The following PPP4R1 variants were observed in gnomAD, a reference collection of about 807,000 sequenced individuals.
The protein encoded by PPP4R1 is protein phosphatase 4 regulatory subunit 1, also known as serine/threonine-protein phosphatase 4 regulatory subunit 1.
A neutral mutation model predicts 111.2 loss-of-function variants in PPP4R1; 42 were observed. That is an observed-to-expected ratio of 0.38 (90% CI 0.29 to 0.49). PPP4R1 has a LOEUF of 0.49. PPP4R1 is among the 20% of genes least tolerant of loss of function. The probability of loss-of-function intolerance (pLI) is 0.97; values close to 1 mark genes in which losing one functional copy is unlikely to be tolerated. For synonymous variants in PPP4R1, 409 were observed against 405.5 expected (o/e 1.01, Z -0.10); for missense variants, 1,012 against 1,161.6 (o/e 0.87, Z 1.87).
intron 2 of PPP4R1, among the ~76,000 whole-genome samples, chr18:9,601,438 A>C (rs1233611069): frequency 6.6e-6 from 1 of 152,150 alleles, no homozygotes; most frequent in African/African-American, 2.4e-5. Flanking sequence ...AATCACAAGA[A>C]TCACTTGAAC....
chr18:9,592,883 C>A (rs1178228070), intron 4 of PPP4R1, among the ~76,000 whole-genome samples: 12 of 152,096 alleles, frequency 7.9e-5, no homozygotes, highest in Non-Finnish European at 1.6e-4. Flanking sequence ...CATTCTAGAA[C>A]AAGCACATAC....
rs373536085 is a variant in PPP4R1 at position 9,555,115 on chromosome 18, C to T, written c.2191-1693G>A. Among the ~76,000 whole-genome samples the T allele has an allele frequency of 2.6e-5, 4 of 152,156 alleles. No individual in the cohort carries two copies. In the South Asian group the frequency reaches 6.2e-4, roughly 24 times the overall value. Reference sequence around the variant, plus strand: ...CCCAGGAGTTCAAGACCAGTGTGGGCAACATAGTGAAACCCTATCCCTACA... The same window carrying T: ...CCCAGGAGTTCAAGACCAGTGTGGGTAACATAGTGAAACCCTATCCCTACA... On this transcript the variant is annotated intron_variant, in intron 15 of 19. Coordinates refer to ENST00000400556, the MANE Select transcript of PPP4R1 (RefSeq NM_001042388.3).
intron 6 of PPP4R1, among the ~76,000 whole-genome samples, chr18:9,585,623 GTTGT>G (rs2067103058): frequency 6.6e-6 from 1 of 152,176 alleles, no homozygotes; most frequent in Non-Finnish European, 1.5e-5. Flanking sequence ...ATACGACATG[GTTGT>G]CTACACAGAA....
intron 6 of PPP4R1, among the ~76,000 whole-genome samples, chr18:9,587,858 G>A (rs1240951255): frequency 6.6e-6 from 1 of 152,024 alleles, no homozygotes; most frequent in African/African-American, 2.4e-5. Context: ...AGGGACTACA[G>A]GCGCACACCA....
At chr18:9,616,288 A>T (rs896960669), upstream of PPP4R1, among the ~76,000 whole-genome samples, 10 of 148,462 alleles carry the variant, frequency 6.7e-5, no homozygotes, top group Middle Eastern at 3.2e-3. Context: ...AATTTTTTTT[A>T]GAGCCAGTCT....
At chr18:9,608,668 T>G (rs1280053066) in intron 2 of PPP4R1, among the ~76,000 whole-genome samples, 7 of 152,176 alleles carry the variant, frequency 4.6e-5, no homozygotes, top group Admixed American at 3.3e-4. Context: ...CCCAAAACAC[T>G]AAGTTAGGTT....
chr18:9,559,438 G>A lies in PPP4R1; in HGVS notation c.2009C>T (p.Thr670Ile), dbSNP rs1432802017. 2 of 1,612,226 alleles carry A rather than the reference G, an allele frequency of 1.2e-6. No homozygotes were observed. Among genetic ancestry groups the A allele is most frequent in the Admixed American group, 1.7e-5 (1 of 59,848 alleles). Residue 670 changes from threonine to isoleucine, a missense_variant, in exon 14 of 20, where the codon ACT (threonine) becomes ATT (isoleucine). Physicochemically the swap from Thr to Ile is moderately conservative, Grantham distance 89 (BLOSUM62 -1). Transcript: ENST00000400556. Reference protein sequence around the residue: ...NWHCLRETYETLASDMQWKVR... With the variant: ...NWHCLRETYEILASDMQWKVR... ...ACTCACCTGCATGTCTGAGGCCAGA[G>A]TCTCATACGTCTCTCTCAGGCAGTG...
Position 9,570,513 on chromosome 18 carries a change from A to G in PPP4R1, c.1217T>C (p.Leu406Ser). 1.2e-6 allele frequency: 2 copies of G among 1,614,208 alleles called. No individual in the cohort carries two copies. The highest frequency in any genetic ancestry group is 1.3e-5 in the African/African-American group (1 of 75,052). ...GEISVPLDSS[L>S]LCTLSSESHQ... is the part of the protein sequence containing the mutation. ...AGATTCTGAGGACAAAGTACAAAGT[A>G]AAGAGCTGTCCAGTGGAACACTAAT... The change falls in exon 11 of 20, where the codon TTA becomes TCA. Residue 406 changes from leucine (L) to serine (S), a missense_variant. Around this residue, in one of 2 missense-constraint regions of PPP4R1, gnomAD observed 707 missense variants for 742.1 expected, o/e 0.95. Transcript: ENST00000400556.
chr18:9,562,816 A>G (rs2066700476), intron 12 of PPP4R1: 1 of 956,176 alleles, frequency 1.0e-6, no homozygotes, highest in East Asian at 1.2e-4. Flanking sequence ...AGCAGCACTG[A>G]TACCAAATAA....
At chr18:9,605,876 G>A (rs1372319700) in intron 2 of PPP4R1, among the ~76,000 whole-genome samples, 1 of 152,064 alleles carries the variant, frequency 6.6e-6, no homozygotes, top group Non-Finnish European at 1.5e-5. Context: ...ACAGGCTAAA[G>A]GTCCCAATGA....
chr18:9,602,114 G>A (rs1173710004), intron 2 of PPP4R1, among the ~76,000 whole-genome samples: 1 of 152,124 alleles, frequency 6.6e-6, no homozygotes, highest in East Asian at 1.9e-4. Context: ...CATAGCTCCA[G>A]AAGTATCCTC....
At chr18:9,575,419 T>C (rs1266296800) in intron 10 of PPP4R1, among the ~76,000 whole-genome samples, 2 of 152,208 alleles carry the variant, frequency 1.3e-5, no homozygotes, top group Non-Finnish European at 2.9e-5. Flanking sequence ...ATAGGACTAC[T>C]TCTTTATAGT....
chr18:9,562,922 C>A (rs894661688), intron 12 of PPP4R1: 96 of 991,332 alleles, frequency 9.7e-5, no homozygotes, highest in Non-Finnish European at 1.1e-4. Flanking sequence ...CAGTACCCAC[C>A]CTCACACTCC....
rs1365027419 is a variant in PPP4R1, at chr18:9,614,329, C to T, written c.8-59G>A. ...GCGCCCCGGGGCCCGGCGCGACGCCCCCCCCCCGCCCGCCTCCCCCCCGCC... is the reference window on the plus strand; with the variant it reads ...GCGCCCCGGGGCCCGGCGCGACGCCTCCCCCCCGCCCGCCTCCCCCCCGCC... On this transcript the variant is annotated intron_variant, in intron 1 of 19. Coordinates refer to ENST00000400556, the MANE Select transcript of PPP4R1 (RefSeq NM_001042388.3). The surrounding 1 kb of genome is among the most constrained non-coding windows in gnomAD (Gnocchi z 4.1). 2.0e-5 allele frequency: 22 copies of T among 1,106,634 alleles called. No homozygotes were observed. The African/African-American group carries it at 3.6e-4, about 18-fold the overall frequency. The allele number at this position is 1,106,634 out of a possible 1,614,324, so 68.6% of individuals were successfully genotyped here.
intron 11 of PPP4R1, among the ~76,000 whole-genome samples, chr18:9,567,304 T>G (rs1273222857): frequency 2.0e-5 from 3 of 151,834 alleles, no homozygotes; most frequent in Non-Finnish European, 2.9e-5. Flanking sequence ...AAATTAGGAG[T>G]GGAGCTTGAA....
intron 13 of PPP4R1, among the ~76,000 whole-genome samples, chr18:9,560,699 A>T (rs899140856): frequency 6.6e-6 from 1 of 152,196 alleles, no homozygotes; most frequent in East Asian, 1.9e-4. Context: ...TTTAGTAAAT[A>T]AAGTAAAAAT....
chr18:9,566,834 A>G (rs563377062), intron 11 of PPP4R1, among the ~76,000 whole-genome samples: 1 of 152,330 alleles, frequency 6.6e-6, no homozygotes, highest in Admixed American at 6.5e-5. Context: ...CGAGTACTTT[A>G]AGCCCACTGT....
intron 10 of PPP4R1, 21 bp from the exon 11 acceptor site, chr18:9,570,704 G>A (rs767777741): frequency 8.1e-6 from 12 of 1,486,248 alleles, no homozygotes; most frequent in South Asian, 5.6e-5. Context: ...TTTATTTGGT[G>A]GGAAAAAAAC....
chr18:9,564,735 T>TGGGGGGG (rs1404643969), intron 11 of PPP4R1, among the ~76,000 whole-genome samples: 2 of 40,170 alleles, frequency 5.0e-5, no homozygotes, highest in African/African-American at 1.7e-4. Context: ...TGTGTGTGTG[T>TGGGGGGG]GTGGGGGTAT....
Sources: gnomAD v4.1 joint callset for allele counts (sites outside exome capture counted in the v4.1 genomes callset) on GRCh38, gnomAD v4.1.1 for gene constraint, gnomAD v4.1.1 regional missense constraint, Gnocchi (gnomAD v3.1) non-coding constraint, MANE v1.5 for transcripts, NCBI Gene and HGNC (gene_info 2026-07-23, HGNC 2026-07-21) for gene names.